The following SRRM2 variants were observed in gnomAD, a reference collection of about 807,000 sequenced individuals.
SRRM2 encodes the protein serine/arginine repetitive matrix 2.
SRRM2 carries 30 observed loss-of-function variants against 213.8 expected under a neutral mutation model. The observed-to-expected ratio is 0.14, with a 90% CI of 0.10 to 0.19. SRRM2 has a LOEUF of 0.19. SRRM2 is among the 10% of genes least tolerant of loss of function. The pLI is 1.00. For missense variants in SRRM2, 4,904 were observed against 3,647.0 expected, an observed-to-expected ratio of 1.34 and a Z score of -8.88; for synonymous variants, 2,025 against 1,377.7, an observed-to-expected ratio of 1.47 and a Z score of -10.40.
At position 2,768,159 on chromosome 16, in the gene SRRM2, C is replaced by T. The variant is rs199625043; in HGVS notation, c.7631C>T (p.Ser2544Phe). The T allele has an allele frequency of 3.5e-4, 560 of 1,610,832 alleles. No homozygotes were observed. Among genetic ancestry groups the T allele is most frequent in the Non-Finnish European group, 4.1e-4 (486 of 1,177,112 alleles). Residue 2544 changes from serine (S) to phenylalanine (F), a missense_variant, in exon 11 of 15, where the codon TCT (serine) becomes TTT (phenylalanine). Coordinates refer to ENST00000301740, the MANE Select transcript of SRRM2 (RefSeq NM_016333.4). ...TCGTCGTCGTCCTCTAGCTCCTCCT[C>T]TTCTTCATCATCGTCGTCGTCGTCC... ...SSSSSSSSSS[S>F]SSSSSSSSSS...
At chr16:2,753,888 A>C (rs954370700) in intron 1 of SRRM2, among the ~76,000 whole-genome samples, 1 of 151,666 alleles carries the variant, frequency 6.6e-6, no homozygotes, top group East Asian at 1.9e-4. Context: ...TTTTTCGACA[A>C]CCCTTGTCTC....
At position 2,762,063 on chromosome 16, in the gene SRRM2, A is replaced by C. The variant is rs75813313; in HGVS notation, c.1535A>C (p.Gln512Pro). ...KRGHSRSRSPQWRRSRSAQRW... is the reference protein window; with the variant it reads ...KRGHSRSRSPPWRRSRSAQRW... ...GGTCATTCTCGATCCCGATCTCCCC[A>C]GTGGCGTAGGTCCAGGTCTGCACAG... The change falls in exon 11 of 15, where the codon CAG becomes CCG. Residue 512 changes from glutamine (Q) to proline (P), a missense_variant. Gln to Pro is a moderately conservative substitution (Grantham distance 76). Coordinates refer to ENST00000301740, the MANE Select transcript of SRRM2 (RefSeq NM_016333.4). The C allele has an allele frequency of 4.8e-5, 78 of 1,614,208 alleles. No individual in the cohort carries two copies. The East Asian group carries it at 1.7e-3, about 36-fold the overall frequency.
chr16:2,760,300 G>GGTC lies in SRRM2; in HGVS notation c.834_836dup (p.Ser279dup). ...CCCACGTCCTCAATTAACTCCTGCA[G>GGTC]GTCTCGAAGTGCTGCAGCTAAAACT... On this transcript the variant is annotated inframe_insertion and splice_region_variant. Coordinates refer to ENST00000301740, the MANE Select transcript of SRRM2 (RefSeq NM_016333.4). 6.2e-7 allele frequency: 1 copy of GGTC among 1,612,582 alleles called. No individual in the cohort carries two copies. Among genetic ancestry groups the GGTC allele is most frequent in the African/African-American group, 1.3e-5 (1 of 75,004 alleles).
intron 9 of SRRM2, 65 bp downstream of exon 9, chr16:2,759,726 T>C: frequency 6.7e-7 from 1 of 1,491,322 alleles, no homozygotes; most frequent in Non-Finnish European, 9.3e-7. Context: ...TAATATTTAT[T>C]GAGCGCCCAC....
intron 13 of SRRM2, 68 bp from the exon 14 acceptor site, chr16:2,770,536 T>C: frequency 6.4e-7 from 1 of 1,556,252 alleles, no homozygotes. Context: ...AAGAAAGCTT[T>C]GCGGTTGTGG....
At chr16:2,758,835 A>C (rs1410664283) in intron 5 of SRRM2, 150 bp from the exon 6 acceptor site, 11 of 823,680 alleles carry the variant, frequency 1.3e-5, no homozygotes, top group Middle Eastern at 3.6e-4. Context: ...TTGTTGGAGA[A>C]AGAAGAAATA....
chr16:2,760,035 A>G, intron 9 of SRRM2: 1 of 554,274 alleles, frequency 1.8e-6, no homozygotes, highest in Non-Finnish European at 3.2e-6. Context: ...GCGGGTAGGG[A>G]GTGGGCTGGG....
chr16:2,754,833 A>G (rs1158345079), intron 1 of SRRM2, among the ~76,000 whole-genome samples: 1 of 151,972 alleles, frequency 6.6e-6, no homozygotes, highest in South Asian at 2.1e-4. Flanking sequence ...ACAGTTTTTC[A>G]TTTTTTCCTG....
At position 2,764,699 on chromosome 16, in the gene SRRM2, G is replaced by A. The variant is rs774617018; in HGVS notation, c.4171G>A (p.Val1391Met). The A allele has an allele frequency of 6.8e-6, 11 of 1,614,086 alleles. No individual in the cohort carries two copies. The Middle Eastern group carries it at 4.9e-4, about 73-fold the overall frequency. ...CAGTTCTGAGTTATCCCCAGATGCAGTGGAAAAGGCAGGGATGTCTTCAAA... is the reference window on the plus strand; with the variant it reads ...CAGTTCTGAGTTATCCCCAGATGCAATGGAAAAGGCAGGGATGTCTTCAAA... Reference protein sequence around the residue: ...HSSSELSPDAVEKAGMSSNQS... With the variant: ...HSSSELSPDAMEKAGMSSNQS... Residue 1391 changes from valine to methionine, a missense_variant, in exon 11 of 15, where the codon GTG becomes ATG. Coordinates refer to ENST00000301740, the MANE Select transcript of SRRM2 (RefSeq NM_016333.4).
Position 2,766,656 on chromosome 16 carries a change from G to C in SRRM2, c.6128G>C (p.Arg2043Pro). Residue 2043 changes from arginine to proline, a missense_variant, in exon 11 of 15, where the codon CGA (arginine) becomes CCA (proline). Transcript: ENST00000301740. The surrounding 1 kb of genome is among the most constrained non-coding windows in gnomAD (Gnocchi z 7.0). ...RTPLLPRKRS[R>P]SRSPLAIRRR... ...CCACTGTTACCACGCAAACGTTCTC[G>C]AAGTCGCTCACCACTTGCTATCCGC... is the stretch of plus-strand genomic sequence containing the variant. 6.2e-7 allele frequency: 1 copy of C among 1,613,038 alleles called. No individual in the cohort carries two copies. The highest frequency in any genetic ancestry group is 8.5e-7 in the Non-Finnish European group (1 of 1,179,666).
In SRRM2 at chr16:2,764,785, T is replaced by A. The variant is rs780940455; in HGVS notation, c.4257T>A (p.Ser1419Arg). 109 of 1,614,044 alleles carry A rather than the reference T, an allele frequency of 6.8e-5. No individual in the cohort carries two copies. Among genetic ancestry groups the A allele is most frequent in the Non-Finnish European group, 8.6e-5 (101 of 1,180,034 alleles). The change falls in exon 11 of 15, where the codon AGT (serine) becomes AGA (arginine). Residue 1419 changes from serine to arginine, a missense_variant. Ser to Arg is a moderately radical substitution (Grantham distance 110). Coordinates refer to ENST00000301740, the MANE Select transcript of SRRM2 (RefSeq NM_016333.4). ...AVPRTPSRERSSSASSPEMKD... is the reference protein window; with the variant it reads ...AVPRTPSRERRSSASSPEMKD... ...CCAGAACACCCTCGAGAGAAAGAAG[T>A]AGTTCTGCATCTTCTCCTGAAATGA...
chr16:2,759,606 G>C lies in SRRM2; in HGVS notation c.778G>C (p.Ala260Pro). Residue 260 changes from alanine (A) to proline (P), a missense_variant, in exon 9 of 15, where the codon GCC becomes CCC. By Grantham distance (27) the Ala-to-Pro change is conservative. Coordinates refer to ENST00000301740, the MANE Select transcript of SRRM2 (RefSeq NM_016333.4). ...STTPAPKSRR[A>P]HRSTSADSAS... Reference sequence around the variant, plus strand: ...AACACCAGCCCCCAAGAGCCGCCGGGCCCACCGTTCAACTTCTGCTGACTC... The same window carrying C: ...AACACCAGCCCCCAAGAGCCGCCGGCCCCACCGTTCAACTTCTGCTGACTC... 1 of 1,614,104 alleles carries C rather than the reference G, an allele frequency of 6.2e-7. No homozygotes were observed. The highest frequency in any genetic ancestry group is 1.1e-5 in the South Asian group (1 of 91,082).
At position 2,759,574 on chromosome 16, in the gene SRRM2, G is replaced by A. The variant is rs757075985; in HGVS notation, c.746G>A (p.Arg249Gln). 7 of 1,614,108 alleles carry A rather than the reference G, an allele frequency of 4.3e-6. No individual in the cohort carries two copies. Among genetic ancestry groups the A allele is most frequent in the East Asian group, 2.2e-5 (1 of 44,872 alleles). ...KSKDKKRKRSRSTTPAPKSRR... is the reference protein window; with the variant it reads ...KSKDKKRKRSQSTTPAPKSRR... ...TGGTGGTGGTCTTCCTTCAGGTCTC[G>A]AAGTACAACACCAGCCCCCAAGAGC... Residue 249 changes from arginine (R) to glutamine (Q), a missense_variant, in exon 9 of 15, where the codon CGA (arginine) becomes CAA (glutamine). Transcript: ENST00000301740.
chr16:2,761,157 A>T (rs371124854), intron 10 of SRRM2, among the ~76,000 whole-genome samples: 2 of 152,286 alleles, frequency 1.3e-5, no homozygotes, highest in East Asian at 1.9e-4. Flanking sequence ...TCTTCACACA[A>T]ATCATGTTCT....
At chr16:2,760,574 A>G (rs2068306293) in intron 10 of SRRM2, 75 bp downstream of exon 10, 1 of 1,511,296 alleles carries the variant, frequency 6.6e-7, no homozygotes. Context: ...TGTGAAAGGG[A>G]GAGGTAATAA....
In SRRM2 at chr16:2,765,607, A is replaced by T. The variant is rs142684862; in HGVS notation, c.5079A>T (p.Ser1693=). Reference sequence around the variant, plus strand: ...CACCTCGACGTCGCAGCTCTCGATCATCTCCGGAGCTAACAAGGAAGGCCA... The same window carrying T: ...CACCTCGACGTCGCAGCTCTCGATCTTCTCCGGAGCTAACAAGGAAGGCCA... The part of the protein sequence containing the change: ...RTPPRRRSSR[S]SPELTRKARL... The change falls in exon 11 of 15, where the codon TCA becomes TCT. Residue 1693 remains serine (S), a synonymous_variant. Coordinates refer to ENST00000301740, the MANE Select transcript of SRRM2 (RefSeq NM_016333.4). 1.1e-5 allele frequency: 17 copies of T among 1,614,000 alleles called. No individual in the cohort carries two copies. The highest frequency in any genetic ancestry group is 1.4e-5 in the Non-Finnish European group (16 of 1,180,028).
At position 2,765,049 on chromosome 16, in the gene SRRM2, C is replaced by T; in HGVS notation, c.4521C>T (p.Asn1507=). 1 of 1,614,044 alleles carries T rather than the reference C, an allele frequency of 6.2e-7. No homozygotes were observed. The highest frequency in any genetic ancestry group is 2.2e-5 in the East Asian group (1 of 44,882). Residue 1507 remains asparagine, a synonymous_variant, in exon 11 of 15, where the codon AAC becomes AAT. Coordinates refer to ENST00000301740, the MANE Select transcript of SRRM2 (RefSeq NM_016333.4). ...SRSPSSPELN[N]KCLTPQRERS... Reference sequence around the variant, plus strand: ...CTCCATCATCCCCAGAGCTCAACAACAAGTGTCTTACCCCCCAGAGAGAAA... The same window carrying T: ...CTCCATCATCCCCAGAGCTCAACAATAAGTGTCTTACCCCCCAGAGAGAAA...
chr16:2,761,321 A>G (rs2068338622), intron 10 of SRRM2, among the ~76,000 whole-genome samples: 1 of 152,220 alleles, frequency 6.6e-6, no homozygotes, highest in African/African-American at 2.4e-5. Context: ...TAAATGTAGT[A>G]GTGCATTAGT....
intron 1 of SRRM2, among the ~76,000 whole-genome samples, chr16:2,755,364 A>C (rs919447493): frequency 2.0e-5 from 3 of 152,126 alleles, no homozygotes; most frequent in African/African-American, 7.2e-5. Flanking sequence ...TGGTGGGGAA[A>C]GCCAACGGTT....
Sources: allele counts gnomAD v4.1 joint callset (sites outside exome capture counted in the v4.1 genomes callset), GRCh38; gene constraint gnomAD v4.1.1; non-coding constraint Gnocchi (gnomAD v3.1); transcripts MANE v1.5; gene names NCBI Gene and HGNC (gene_info 2026-07-23, HGNC 2026-07-21).